CDH4: variants seen among roughly 807,000 people sequenced by gnomAD.
The protein encoded by CDH4 is cadherin-4.
In CDH4, 33 loss-of-function variants were observed where a neutral mutation model predicts 86.0. That is an observed-to-expected ratio of 0.38 (90% CI 0.29 to 0.51). The LOEUF is 0.51. Ranked by LOEUF, CDH4 falls within the 20% of genes least tolerant of loss-of-function variation. The pLI, the probability that CDH4 is intolerant of heterozygous loss-of-function variation, is 0.86. For synonymous variants in CDH4, 555 were observed against 549.4 expected (o/e 1.01, Z -0.14); for missense variants, 1,114 against 1,307.4 (o/e 0.85, Z 2.28).
chr20:61,623,052 CG>C lies in CDH4; in HGVS notation c.170-120507del, dbSNP rs1289193090. 3.3e-5 allele frequency among the ~76,000 whole-genome samples: 5 copies of C among 152,242 alleles called. No individual in the cohort carries two copies. The highest frequency in any genetic ancestry group is 5.9e-5 in the Non-Finnish European group (4 of 68,012). On this transcript the variant is annotated intron_variant, in intron 2 of 15. Coordinates refer to ENST00000614565, the MANE Select transcript of CDH4 (RefSeq NM_001794.5). The surrounding 1 kb of genome is among the most constrained non-coding windows in gnomAD (Gnocchi z 4.4). ...CATTTAAGACAGTCAGGGAAACAAA[CG>C]GGGAGGTGCCTTAGAGGCAAAGCTT...
intron 6 of CDH4, among the ~76,000 whole-genome samples, chr20:61,861,546 T>TAA (rs1983322355): frequency 1.4e-5 from 2 of 145,956 alleles, no homozygotes; most frequent in Non-Finnish European, 1.5e-5. Context: ...GCCTGTGCGT[T>TAA]AGGAATGCCT....
chr20:61,900,009 C>T (rs755143248), intron 8 of CDH4, among the ~76,000 whole-genome samples: 11 of 152,210 alleles, frequency 7.2e-5, no homozygotes, highest in Non-Finnish European at 1.3e-4. Flanking sequence ...CCAAGCCGCC[C>T]GAGGATGCTG....
chr20:61,664,820 A>G (rs568339761), intron 2 of CDH4, among the ~76,000 whole-genome samples: 2 of 152,128 alleles, frequency 1.3e-5, no homozygotes, highest in African/African-American at 4.8e-5. Context: ...AGAAATCCAT[A>G]ATCTGTTGCT....
chr20:61,768,410 CAT>C (rs1331756412), intron 3 of CDH4, among the ~76,000 whole-genome samples: 5 of 152,320 alleles, frequency 3.3e-5, no homozygotes, highest in African/African-American at 4.8e-5. Context: ...CCTGTATACA[CAT>C]GTGCGCATGT....
intron 4 of CDH4, among the ~76,000 whole-genome samples, chr20:61,804,584 C>G (rs1222732456): frequency 1.3e-5 from 2 of 152,228 alleles, no homozygotes; most frequent in Non-Finnish European, 2.9e-5. Context: ...ATGGGTTCCC[C>G]TCTGAGCATC....
intron 2 of CDH4, among the ~76,000 whole-genome samples, chr20:61,540,183 A>AC (rs1252481206): frequency 3.3e-5 from 5 of 152,188 alleles, no homozygotes; most frequent in Non-Finnish European, 7.4e-5. Context: ...TGATGGGCGG[A>AC]CGAATGCACG....
chr20:61,541,662 T>A (rs926348676), intron 2 of CDH4, among the ~76,000 whole-genome samples: 3 of 152,214 alleles, frequency 2.0e-5, no homozygotes, highest in African/African-American at 7.2e-5. Context: ...CTCTTCGCCA[T>A]GTGTTTGTGG....
At chr20:61,258,262 G>A (rs974620414) in intron 2 of CDH4, among the ~76,000 whole-genome samples, 1 of 144,706 alleles carries the variant, frequency 6.9e-6, no homozygotes, top group African/African-American at 2.6e-5. Flanking sequence ...ACCAGGAGGC[G>A]GAGCTTGCAG....
intron 4 of CDH4, among the ~76,000 whole-genome samples, chr20:61,793,643 C>T (rs1242734673): frequency 6.6e-6 from 1 of 151,548 alleles, no homozygotes; most frequent in Non-Finnish European, 1.5e-5. Flanking sequence ...AGTTCAAGAC[C>T]AGCCTGGCCA....
chr20:61,273,370 A>G (rs2084197497), intron 2 of CDH4, among the ~76,000 whole-genome samples: 1 of 116,326 alleles, frequency 8.6e-6, no homozygotes, highest in East Asian at 2.9e-4. Context: ...TACCGTGTGC[A>G]GTTTAGGGGA....
At chr20:61,565,687 C>T (rs2086292142) in intron 2 of CDH4, among the ~76,000 whole-genome samples, 2 of 152,162 alleles carry the variant, frequency 1.3e-5, no homozygotes, top group Non-Finnish European at 2.9e-5. Flanking sequence ...AATGATTGCT[C>T]ACCCCTGAGA....
intron 7 of CDH4, among the ~76,000 whole-genome samples, chr20:61,882,311 G>A (rs1984317295): frequency 6.6e-6 from 1 of 152,272 alleles, no homozygotes; most frequent in Admixed American, 6.5e-5. Context: ...GGAGGAAGGA[G>A]CGGGGATTTC....
chr20:61,905,745 C>T (rs573070737), intron 8 of CDH4, among the ~76,000 whole-genome samples: 4 of 152,330 alleles, frequency 2.6e-5, no homozygotes, highest in African/African-American at 9.6e-5. Flanking sequence ...CCCTAGGTCA[C>T]TTACCTGGTT....
chr20:61,797,399 G>A (rs1033275241), intron 4 of CDH4, among the ~76,000 whole-genome samples: 1 of 152,216 alleles, frequency 6.6e-6, no homozygotes, highest in Non-Finnish European at 1.5e-5. Context: ...TCTGGCAGCT[G>A]AGCTGCACTT....
At chr20:61,568,363 C>T (rs886757621) in intron 2 of CDH4, among the ~76,000 whole-genome samples, 1 of 152,350 alleles carries the variant, frequency 6.6e-6, no homozygotes, top group Middle Eastern at 3.4e-3. Flanking sequence ...TCGTTCCACA[C>T]TCATTCTCCT....
At chr20:61,316,351 C>T (rs1260687061) in intron 2 of CDH4, among the ~76,000 whole-genome samples, 4 of 152,228 alleles carry the variant, frequency 2.6e-5, no homozygotes, top group African/African-American at 9.6e-5. Flanking sequence ...TAGAGACCGC[C>T]GCGCTGACCT....
intron 2 of CDH4, among the ~76,000 whole-genome samples, chr20:61,512,123 G>A (rs1244814399): frequency 6.6e-6 from 1 of 152,166 alleles, no homozygotes; most frequent in Non-Finnish European, 1.5e-5. Flanking sequence ...TAAGGATGCT[G>A]AGTAGTAAAC....
At chr20:61,484,609 C>A (rs73150249) in intron 2 of CDH4, among the ~76,000 whole-genome samples, 1 of 152,180 alleles carries the variant, frequency 6.6e-6, no homozygotes, top group Non-Finnish European at 1.5e-5. Flanking sequence ...TCAGGAAGAA[C>A]GTGGACCACG....
Position 61,743,555 on chromosome 20 carries a change from T to G in CDH4, c.170-8T>G. On this transcript the variant is annotated splice_region_variant and splice_polypyrimidine_tract_variant and intron_variant, in intron 2 of 15. Coordinates refer to ENST00000614565, the MANE Select transcript of CDH4 (RefSeq NM_001794.5). ...GCCGACCCTGACTCTCTCCCCCTCC[T>G]CTTGCAGTCAAGTTCAGCAGCTGTG... The G allele has an allele frequency of 6.4e-7, 1 of 1,555,178 alleles. No homozygotes were observed. The highest frequency in any genetic ancestry group is 8.7e-7 in the Non-Finnish European group (1 of 1,148,036).
Sources: allele counts gnomAD v4.1 joint callset (sites outside exome capture counted in the v4.1 genomes callset), GRCh38; gene constraint gnomAD v4.1.1; non-coding constraint Gnocchi (gnomAD v3.1); transcripts MANE v1.5; gene names NCBI Gene and HGNC (gene_info 2026-07-23, HGNC 2026-07-21).